The following DNAH7 variants were observed in gnomAD, a reference collection of about 807,000 sequenced individuals.
DNAH7 encodes the protein axonemal beta dynein heavy chain 7.
DNAH7 carries 397 observed loss-of-function variants against 444.6 expected under a neutral mutation model. The ratio of observed to expected loss-of-function variants is 0.89; its 90% CI spans 0.82 to 0.97. The LOEUF is 0.97. Among genes scored for constraint, DNAH7 ranks in the 50% least tolerant of loss-of-function variants. DNAH7 has a pLI of 0.00. For missense variants in DNAH7, 4,902 were observed against 4,800.8 expected, an observed-to-expected ratio of 1.02 and a Z score of -0.62; for synonymous variants, 1,636 against 1,624.4, an observed-to-expected ratio of 1.01 and a Z score of -0.17.
chr2:195,913,696 A>G (rs879686778), intron 24 of DNAH7, among the ~76,000 whole-genome samples: 3 of 147,806 alleles, frequency 2.0e-5, no homozygotes, highest in Admixed American at 6.7e-5. Context: ...CTCCATCCAC[A>G]TGTTTTTGTT....
intron 38 of DNAH7, among the ~76,000 whole-genome samples, chr2:195,874,600 T>TA (rs35476343): frequency 0.14 from 19,996 of 140,634 alleles, 1,832 homozygotes; most frequent in African/African-American, 0.28. Context: ...GTCTTTTATT[T>TA]AAAAAAAAAA....
intron 19 of DNAH7, among the ~76,000 whole-genome samples, chr2:195,944,066 C>T (rs1295400960): frequency 6.6e-6 from 1 of 152,104 alleles, no homozygotes; most frequent in African/African-American, 2.4e-5. Context: ...CTGTTTGCTA[C>T]TGACCATCAT....
Position 195,872,380 on chromosome 2 carries a change from A to C in DNAH7, c.6503T>G (p.Leu2168Trp), listed in dbSNP as rs767030642. ...TLYKEAMKNLLPTPAKSHYLF... is the reference protein window; with the variant it reads ...TLYKEAMKNLWPTPAKSHYLF... ...GTAGTGAGATTTAGCTGGAGTAGGC[A>C]AGAGATTCTTCATTGCTTCTTTATA... The change falls in exon 40 of 65, where the codon TTG becomes TGG. Residue 2168 changes from leucine (L) to tryptophan (W), a missense_variant. Transcript: ENST00000312428. The C allele has an allele frequency of 6.2e-7, 1 of 1,613,954 alleles. No homozygotes were observed. Among genetic ancestry groups the C allele is most frequent in the South Asian group, 1.1e-5 (1 of 91,074 alleles).
At chr2:195,920,169 T>A (rs893375594) in intron 24 of DNAH7, among the ~76,000 whole-genome samples, 1 of 151,776 alleles carries the variant, frequency 6.6e-6, no homozygotes, top group Non-Finnish European at 1.5e-5. Flanking sequence ...AATTCCCACA[T>A]CAAAATGCCA....
At chr2:195,973,495 G>T (rs897195309) in intron 15 of DNAH7, among the ~76,000 whole-genome samples, 14 of 151,592 alleles carry the variant, frequency 9.2e-5, no homozygotes, top group Admixed American at 7.9e-4. Context: ...TTTTTGAGAT[G>T]GAGTCTCACT....
At position 195,750,506 on chromosome 2, in the gene DNAH7, A is replaced by C. The variant is rs1019899291; in HGVS notation, c.11764+3831T>G. ...TTCATGCATCTGAATTAAATACTTA[A>C]GAATTAACCATAACTCCTTTAAGAA... is the stretch of plus-strand genomic sequence containing the variant. On this transcript the variant is annotated intron_variant, in intron 63 of 64. Coordinates refer to ENST00000312428, the MANE Select transcript of DNAH7 (RefSeq NM_018897.3). Among the ~76,000 whole-genome samples, 6 of 152,372 alleles carry C rather than the reference A, an allele frequency of 3.9e-5. No individual in the cohort carries two copies. The East Asian group carries it at 7.7e-4, about 20-fold the overall frequency.
chr2:195,858,975 G>T (rs971258941), intron 42 of DNAH7, among the ~76,000 whole-genome samples, 171 bp from the exon 43 acceptor site: 5 of 152,164 alleles, frequency 3.3e-5, no homozygotes, highest in Non-Finnish European at 7.4e-5. Flanking sequence ...TAGAATGTCG[G>T]ATTTGTGCAC....
rs539495610 is a variant in DNAH7 at position 195,945,434 on chromosome 2, A to G, written c.3079-8642T>C. Among the ~76,000 whole-genome samples, 85 of 152,298 alleles carry G rather than the reference A, an allele frequency of 5.6e-4. No individual in the cohort carries two copies. The South Asian group carries it at 0.017, about 30-fold the overall frequency. ...TAATACCTATAAAACTGGTAACCAG[A>G]TAAGTCCTGTTGGAAAAAAAAGTCA... On this transcript the variant is annotated intron_variant, in intron 19 of 64. Transcript: ENST00000312428.
In DNAH7 at chr2:195,922,084, T is replaced by G; in HGVS notation, c.3935+4A>C. ...CCAATAGATCCTTAAATTAAAGGGT[T>G]TACCTGTAACATCTATCCGTGAGTG... On this transcript the variant is annotated splice_donor_region_variant and intron_variant, in intron 24 of 64. Transcript: ENST00000312428. 1 of 1,533,128 alleles carries G rather than the reference T, an allele frequency of 6.5e-7. No homozygotes were observed. The highest frequency in any genetic ancestry group is 9.0e-7 in the Non-Finnish European group (1 of 1,106,736). 95.0% of individuals were successfully genotyped at this position (1,533,128 alleles called of 1,614,324 possible).
In DNAH7 at chr2:195,984,695, A is replaced by C. The variant is rs1692793539; in HGVS notation, c.1770T>G (p.Phe590Leu). 3 of 1,613,950 alleles carry C rather than the reference A, an allele frequency of 1.9e-6. No individual in the cohort carries two copies. The East Asian group carries it at 6.7e-5, about 36-fold the overall frequency. ...QEVNTRLCDEFERIAEKALST... is the reference protein window; with the variant it reads ...QEVNTRLCDELERIAEKALST... Reference sequence around the variant, plus strand: ...TAAGAGCTTTTTCAGCTATCCTCTCAAATTCATCGCATAATCTGAAACACC... The same window carrying C: ...TAAGAGCTTTTTCAGCTATCCTCTCCAATTCATCGCATAATCTGAAACACC... Residue 590 changes from phenylalanine (F) to leucine (L), a missense_variant, in exon 15 of 65, where the codon TTT becomes TTG. Phe to Leu is a conservative substitution (Grantham distance 22). Coordinates refer to ENST00000312428, the MANE Select transcript of DNAH7 (RefSeq NM_018897.3).
chr2:195,777,712 G>A, intron 59 of DNAH7, 88 bp downstream of exon 59: 1 of 1,375,168 alleles, frequency 7.3e-7, no homozygotes, highest in South Asian at 1.4e-5. Context: ...AACAAGGCCT[G>A]CAGCAAAATC....
intron 47 of DNAH7, among the ~76,000 whole-genome samples, chr2:195,836,787 T>C (rs1001810389): frequency 6.6e-6 from 1 of 152,212 alleles, no homozygotes; most frequent in Non-Finnish European, 1.5e-5. Flanking sequence ...TGTGTGAATG[T>C]TAAACAGCAT....
intron 47 of DNAH7, among the ~76,000 whole-genome samples, chr2:195,844,523 A>G (rs1309868987): frequency 6.6e-6 from 1 of 152,148 alleles, no homozygotes; most frequent in African/African-American, 2.4e-5. Context: ...TCTACTAACC[A>G]GGAAACTACA....
At chr2:195,956,057 A>G (rs959106296) in intron 19 of DNAH7, among the ~76,000 whole-genome samples, 2 of 152,204 alleles carry the variant, frequency 1.3e-5, no homozygotes, top group African/African-American at 4.8e-5. Context: ...TAAAGATTAA[A>G]TAAATAAAAC....
chr2:195,765,527 T>C (rs899564570), intron 61 of DNAH7, among the ~76,000 whole-genome samples: 1 of 152,130 alleles, frequency 6.6e-6, no homozygotes, highest in African/African-American at 2.4e-5. Context: ...AACAACTCTG[T>C]AGGAAAAACT....
At chr2:195,840,903 C>T (rs1051797434) in intron 47 of DNAH7, among the ~76,000 whole-genome samples, 106 of 151,790 alleles carry the variant, frequency 7.0e-4, no homozygotes, top group African/African-American at 2.4e-3. Context: ...CAATACAAAT[C>T]CCAGGAAGAT....
chr2:195,916,446 C>A (rs764686415), intron 24 of DNAH7, among the ~76,000 whole-genome samples: 2 of 149,570 alleles, frequency 1.3e-5, no homozygotes, highest in African/African-American at 2.5e-5. Flanking sequence ...CACCCCCCCA[C>A]CCCTGCCCCA....
chr2:196,051,665 A>G (rs1299266832), intron 2 of DNAH7, among the ~76,000 whole-genome samples: 2 of 151,908 alleles, frequency 1.3e-5, no homozygotes, highest in Non-Finnish European at 2.9e-5. Flanking sequence ...TACTTGGGAG[A>G]CTGAGGCAGG....
intron 10 of DNAH7, among the ~76,000 whole-genome samples, chr2:196,010,968 T>C (rs9989914): frequency 0.056 from 8,521 of 152,000 alleles, 382 homozygotes; most frequent in African/African-American, 0.13. Context: ...GTCATGGAGG[T>C]TGTAAGTAGA....
Sources: allele counts gnomAD v4.1 joint callset (sites outside exome capture counted in the v4.1 genomes callset), GRCh38; gene constraint gnomAD v4.1.1; transcripts MANE v1.5; gene names NCBI Gene and HGNC (gene_info 2026-07-23, HGNC 2026-07-21).